Variants in VPS53 observed in about 807,000 individuals in gnomAD.
VPS53 encodes vacuolar protein sorting-associated protein 53 homolog.
In VPS53, 70 loss-of-function variants were observed where a neutral mutation model predicts 107.0. That is an observed-to-expected ratio of 0.65 (90% CI 0.54 to 0.80). The LOEUF is 0.80. Among genes scored for constraint, VPS53 ranks in the 30% least tolerant of loss-of-function variants. The pLI, the probability that VPS53 is intolerant of heterozygous loss-of-function variation, is 0.00. For synonymous variants in VPS53, 409 were observed against 393.3 expected (o/e 1.04, Z -0.47); for missense variants, 917 against 1,049.4 (o/e 0.87, Z 1.74).
chr17:712,848 GTAAC>G, intron 1 of VPS53, among the ~76,000 whole-genome samples: 1 of 152,134 alleles, frequency 6.6e-6, no homozygotes, highest in East Asian at 1.9e-4. Flanking sequence ...CAACCAAACA[GTAAC>G]TGACTGCATT....
chr17:564,020 C>T (rs918164868), intron 13 of VPS53, among the ~76,000 whole-genome samples: 3 of 152,018 alleles, frequency 2.0e-5, no homozygotes, highest in Non-Finnish European at 2.9e-5. Flanking sequence ...GAGGCCGAGG[C>T]GGGCAGATCA....
At chr17:712,116 T>G (rs17678731) in intron 1 of VPS53, among the ~76,000 whole-genome samples, 13,870 of 143,624 alleles carry the variant, frequency 0.097, 691 homozygotes, top group Non-Finnish European at 0.11. Context: ...ACACCCGGCC[T>G]TCATGGGCAA....
In VPS53 at chr17:601,800, C is replaced by G. The variant is rs1326877109; in HGVS notation, c.1213G>C (p.Asp405His). 5 of 1,601,000 alleles carry G rather than the reference C, an allele frequency of 3.1e-6. No individual in the cohort carries two copies. Among genetic ancestry groups the G allele is most frequent in the African/African-American group, 1.3e-5 (1 of 74,390 alleles). The change falls in exon 12 of 22, where the codon GAT becomes CAT. Residue 405 changes from aspartate (D) to histidine (H), a missense_variant. Asp to His is a moderately conservative substitution (Grantham distance 81). Transcript: ENST00000437048. ...EELATEKGDL[D>H]QPKKPKAPDN... ...GTGACGCAAACCAGACTTACTTGAT[C>G]TAAATCTCCTTTCTCCGTTGCCAGT...
rs1907876014 is a variant in VPS53 at position 510,484 on chromosome 17, A to C, written c.*8644T>G. On this transcript the variant is annotated 3_prime_UTR_variant, in exon 22 of 22. Transcript: ENST00000437048. ...TCCTGGCTGACCCCTTACTAGTCACATATTGAATCCTGGCTGACCCCTTAC... is the reference window on the plus strand; with the variant it reads ...TCCTGGCTGACCCCTTACTAGTCACCTATTGAATCCTGGCTGACCCCTTAC... 6.2e-6 allele frequency: 1 copy of C among 160,350 alleles called. No individual in the cohort carries two copies. The highest frequency in any genetic ancestry group is 2.4e-5 in the African/African-American group (1 of 41,466). The allele number at this position is 160,350 out of a possible 1,614,324, so 9.9% of individuals were successfully genotyped here. A position where few individuals can be genotyped will look rare whatever the true frequency, so the allele number is the denominator to read the frequency against.
At chr17:644,603 C>CT (rs56057901) in intron 7 of VPS53, among the ~76,000 whole-genome samples, 54,720 of 151,322 alleles carry the variant, frequency 0.36, 11,282 homozygotes, top group Non-Finnish European at 0.47. Flanking sequence ...TTTTTTCCCC[C>CT]GAGACGGGTC....
intron 14 of VPS53, among the ~76,000 whole-genome samples, chr17:561,684 C>G (rs1168593834): frequency 6.6e-6 from 1 of 152,170 alleles, no homozygotes; most frequent in Non-Finnish European, 1.5e-5. Context: ...GGCTGGAGTG[C>G]AATGGCACAA....
intron 13 of VPS53, among the ~76,000 whole-genome samples, chr17:582,451 C>T (rs1349553880): frequency 6.9e-6 from 1 of 145,176 alleles, no homozygotes; most frequent in Non-Finnish European, 1.5e-5. Flanking sequence ...TCATCTAATG[C>T]ATTCCCAAAG....
chr17:653,483 C>T (rs576757176), intron 6 of VPS53, 73 bp from the exon 7 acceptor site: 48 of 1,599,564 alleles, frequency 3.0e-5, no homozygotes, highest in Middle Eastern at 3.3e-4. Flanking sequence ...GAACAACCCA[C>T]GCTAGCTCTC....
At chr17:549,559 A>G (rs1178599273) in intron 17 of VPS53, among the ~76,000 whole-genome samples, 2 of 147,186 alleles carry the variant, frequency 1.4e-5, no homozygotes, top group East Asian at 4.1e-4. Flanking sequence ...GCAGTGTTAA[A>G]CCCCTTCCAA....
intron 4 of VPS53, among the ~76,000 whole-genome samples, chr17:688,105 G>A (rs1044073500): frequency 1.3e-5 from 2 of 152,026 alleles, no homozygotes; most frequent in African/African-American, 4.8e-5. Context: ...CAAATATGCC[G>A]CAGACATGTC....
At chr17:604,620 T>A (rs1968481313) in intron 11 of VPS53, among the ~76,000 whole-genome samples, 1 of 152,164 alleles carries the variant, frequency 6.6e-6, no homozygotes, top group African/African-American at 2.4e-5. Context: ...ATTTTTGTAT[T>A]TTTTGTAGAG....
intron 12 of VPS53, among the ~76,000 whole-genome samples, chr17:595,207 G>C (rs1967898572): frequency 1.0e-5 from 1 of 98,228 alleles, no homozygotes; most frequent in Admixed American, 9.4e-5. Flanking sequence ...AGATGGGAAG[G>C]GGTCTGGATC....
chr17:643,978 A>G (rs1970574968), intron 7 of VPS53, among the ~76,000 whole-genome samples: 1 of 152,162 alleles, frequency 6.6e-6, no homozygotes, highest in Non-Finnish European at 1.5e-5. Flanking sequence ...CATTTATAAG[A>G]GGTTAGAAAT....
At chr17:536,777 G>C in intron 18 of VPS53, 1 of 437,698 alleles carries the variant, frequency 2.3e-6, no homozygotes, top group East Asian at 4.4e-5. Flanking sequence ...CAAACCGAGG[G>C]AATGTCCAGC....
At chr17:653,550 C>A in intron 6 of VPS53, 140 bp from the exon 7 acceptor site, 1 of 1,341,972 alleles carries the variant, frequency 7.5e-7, no homozygotes, top group Non-Finnish European at 1.0e-6. Flanking sequence ...ATATAAGCTG[C>A]TGTGCGTTGT....
chr17:706,651 A>G (rs868112871), intron 2 of VPS53, among the ~76,000 whole-genome samples: 4 of 152,094 alleles, frequency 2.6e-5, no homozygotes, highest in African/African-American at 9.7e-5. Context: ...TTGGTAGACT[A>G]TATCTGTCTT....
Position 623,862 on chromosome 17 carries a change from G to A in VPS53, c.975-188C>T, listed in dbSNP as rs575873297. Among the ~76,000 whole-genome samples the A allele has an allele frequency of 2.6e-5, 4 of 152,062 alleles. No individual in the cohort carries two copies. The East Asian group carries it at 7.7e-4, about 29-fold the overall frequency. On this transcript the variant is annotated intron_variant, in intron 10 of 21. Coordinates refer to ENST00000437048, the MANE Select transcript of VPS53 (RefSeq NM_001128159.3). ...TACATATTCTAAACAAGATTTTTAA[G>A]GTGAAATTATCCACCAGGCAAAAAA...
At chr17:613,225 G>A (rs1288081008) in intron 11 of VPS53, among the ~76,000 whole-genome samples, 1 of 150,834 alleles carries the variant, frequency 6.6e-6, no homozygotes, top group African/African-American at 2.4e-5. Flanking sequence ...AGTTCACACA[G>A]TGAAAACCTG....
At chr17:669,095 A>C (rs1180732223) in intron 4 of VPS53, among the ~76,000 whole-genome samples, 1 of 152,186 alleles carries the variant, frequency 6.6e-6, no homozygotes, top group African/African-American at 2.4e-5. Flanking sequence ...AGGCAAGTCC[A>C]TTCTCAACAC....
Sources: allele counts gnomAD v4.1 joint callset (sites outside exome capture counted in the v4.1 genomes callset), GRCh38; gene constraint gnomAD v4.1.1; transcripts MANE v1.5; gene names NCBI Gene and HGNC (gene_info 2026-07-23, HGNC 2026-07-21).